The following ZFAND3 variants were observed in gnomAD, a reference collection of about 807,000 sequenced individuals.
ZFAND3 encodes AN1-type zinc finger protein 3.
ZFAND3 carries 10 observed loss-of-function variants against 29.6 expected under a neutral mutation model. The observed-to-expected ratio is 0.34, with a 90% CI of 0.21 to 0.57. The LOEUF (loss-of-function observed/expected upper bound fraction) is 0.57, where lower values mean the gene tolerates loss of function less well. ZFAND3 is among the 20% of genes least tolerant of loss of function. ZFAND3 has a pLI of 0.86. For synonymous variants in ZFAND3, 128 were observed against 112.6 expected, an observed-to-expected ratio of 1.14 and a Z score of -0.87; for missense variants, 230 against 304.5, an observed-to-expected ratio of 0.76 and a Z score of 1.82.
chr6:37,920,952 A>G (rs557158228), intron 1 of ZFAND3, among the ~76,000 whole-genome samples: 1 of 152,250 alleles, frequency 6.6e-6, no homozygotes, highest in Admixed American at 6.5e-5. Flanking sequence ...TTCTGGCTAT[A>G]TGTGTATGAG....
intron 2 of ZFAND3, among the ~76,000 whole-genome samples, chr6:38,019,247 C>T (rs1256519554): frequency 6.6e-6 from 1 of 152,182 alleles, no homozygotes; most frequent in Non-Finnish European, 1.5e-5. Context: ...CATGAGGCAC[C>T]ACACCCGGCC....
At chr6:38,080,958 G>A (rs1764649732) in intron 3 of ZFAND3, among the ~76,000 whole-genome samples, 1 of 152,138 alleles carries the variant, frequency 6.6e-6, no homozygotes. Flanking sequence ...TCTCTGGTCT[G>A]CCTTTCGAAA....
intron 2 of ZFAND3, among the ~76,000 whole-genome samples, chr6:38,048,039 CTG>C (rs567683155): frequency 2.7e-5 from 4 of 150,102 alleles, no homozygotes; most frequent in African/African-American, 9.8e-5. Context: ...GGGTCTCACT[CTG>C]TTGTCCAGGC....
At chr6:37,946,635 C>G (rs962352179) in intron 2 of ZFAND3, among the ~76,000 whole-genome samples, 3 of 152,000 alleles carry the variant, frequency 2.0e-5, no homozygotes, top group Non-Finnish European at 2.9e-5. Context: ...ACTAATTTCC[C>G]TTGAATTCAC....
intron 2 of ZFAND3, among the ~76,000 whole-genome samples, chr6:38,013,079 C>G (rs557738842): frequency 6.6e-6 from 1 of 152,276 alleles, no homozygotes; most frequent in African/African-American, 2.4e-5. Context: ...GTCAGAGAAA[C>G]AGAAAGGAAG....
At chr6:37,825,009 CTAGTT>C (rs1365875587) in intron 1 of ZFAND3, among the ~76,000 whole-genome samples, 2 of 152,186 alleles carry the variant, frequency 1.3e-5, no homozygotes, top group African/African-American at 4.8e-5. Flanking sequence ...AAGATACTGA[CTAGTT>C]TAGAATCAAT....
At chr6:37,935,985 ATT>A (rs558051645) in intron 2 of ZFAND3, among the ~76,000 whole-genome samples, 2 of 151,400 alleles carry the variant, frequency 1.3e-5, no homozygotes, top group African/African-American at 4.9e-5. Context: ...TGCCTATGGT[ATT>A]TTTTTTTGTT....
At chr6:38,091,943 G>C (rs922326328) in intron 4 of ZFAND3, among the ~76,000 whole-genome samples, 1 of 152,120 alleles carries the variant, frequency 6.6e-6, no homozygotes, top group Non-Finnish European at 1.5e-5. Flanking sequence ...GATGTATGCT[G>C]ATGGGTTTTA....
intron 1 of ZFAND3, among the ~76,000 whole-genome samples, chr6:37,926,081 G>C (rs1761478835): frequency 6.6e-6 from 1 of 152,196 alleles, no homozygotes; most frequent in Non-Finnish European, 1.5e-5. Context: ...GGCTAAATGG[G>C]AGCAGTTGTG....
chr6:38,008,475 G>A lies in ZFAND3; in HGVS notation c.113-53118G>A, dbSNP rs567765499. Among the ~76,000 whole-genome samples, 11 of 152,204 alleles carry A rather than the reference G, an allele frequency of 7.2e-5. No individual in the cohort carries two copies. The East Asian group carries it at 2.1e-3, about 29-fold the overall frequency. ...CTTAAGAAGTGAGAATTTTGAAATGGAAACAAAAGTTGGAATCTGTCTTAG... is the reference window on the plus strand; with the variant it reads ...CTTAAGAAGTGAGAATTTTGAAATGAAAACAAAAGTTGGAATCTGTCTTAG... On this transcript the variant is annotated intron_variant, in intron 2 of 5. Coordinates refer to ENST00000287218, the MANE Select transcript of ZFAND3 (RefSeq NM_021943.3).
intron 1 of ZFAND3, among the ~76,000 whole-genome samples, chr6:37,893,846 G>A (rs140091874): frequency 1.5e-5 from 2 of 132,992 alleles, no homozygotes; most frequent in Non-Finnish European, 3.6e-5. Context: ...GAGCCACCGC[G>A]CCCGGCCCAG....
chr6:37,950,758 G>A (rs1351247409), intron 2 of ZFAND3, among the ~76,000 whole-genome samples: 1 of 152,154 alleles, frequency 6.6e-6, no homozygotes, highest in Non-Finnish European at 1.5e-5. Flanking sequence ...TTTTTTACCA[G>A]TACTATGCTG....
chr6:38,027,402 A>G (rs1028521004), intron 2 of ZFAND3, among the ~76,000 whole-genome samples: 1 of 152,228 alleles, frequency 6.6e-6, no homozygotes, highest in Non-Finnish European at 1.5e-5. Context: ...CTATCGAGAT[A>G]ACCTTTTTTC....
intron 1 of ZFAND3, among the ~76,000 whole-genome samples, chr6:37,885,830 A>G (rs760468352): frequency 2.6e-5 from 4 of 151,756 alleles, no homozygotes; most frequent in Non-Finnish European, 5.9e-5. Flanking sequence ...TACTTTGCCA[A>G]CTCCTAGGCT....
At chr6:37,974,747 C>A (rs538942555) in intron 2 of ZFAND3, among the ~76,000 whole-genome samples, 1 of 152,236 alleles carries the variant, frequency 6.6e-6, no homozygotes, top group African/African-American at 2.4e-5. Flanking sequence ...TTTTGAGATT[C>A]ATCTATGTTG....
At chr6:37,867,137 A>G (rs980911613) in intron 1 of ZFAND3, among the ~76,000 whole-genome samples, 8 of 152,146 alleles carry the variant, frequency 5.3e-5, no homozygotes, top group African/African-American at 1.4e-4. Flanking sequence ...AATCCTTCCT[A>G]TCTTTTTTTG....
intron 1 of ZFAND3, among the ~76,000 whole-genome samples, chr6:37,918,880 A>C (rs896974582): frequency 1.3e-5 from 2 of 151,182 alleles, no homozygotes; most frequent in Non-Finnish European, 2.9e-5. Flanking sequence ...TCTCAGTTTA[A>C]TTCTCAGATA....
chr6:38,043,451 GTC>G (rs368461732), intron 2 of ZFAND3, among the ~76,000 whole-genome samples: 309 of 116,510 alleles, frequency 2.7e-3, no homozygotes, highest in African/African-American at 9.9e-3. Context: ...TCCCCTCCCC[GTC>G]TCTTCTCTCC....
chr6:37,989,399 C>A lies in ZFAND3; in HGVS notation c.112+59400C>A, dbSNP rs143991788. Among the ~76,000 whole-genome samples, 331 of 152,272 alleles carry A rather than the reference C, an allele frequency of 2.2e-3. 1 individual carries two copies. Among genetic ancestry groups the A allele is most frequent in the African/African-American group, 7.6e-3 (316 of 41,548 alleles). ...GCTATTGTTGGGTTCCTGGTGAAGA[C>A]CCTCTCCTTGGTTTACAGACACCTT... On this transcript the variant is annotated intron_variant, in intron 2 of 5. Transcript: ENST00000287218.
Sources: gnomAD v4.1 joint callset for allele counts (sites outside exome capture counted in the v4.1 genomes callset) on GRCh38, gnomAD v4.1.1 for gene constraint, MANE v1.5 for transcripts, NCBI Gene and HGNC (gene_info 2026-07-23, HGNC 2026-07-21) for gene names.